The following GFRA1 variants were observed in gnomAD, a reference collection of about 807,000 sequenced individuals.
The protein encoded by GFRA1 is GDNF family receptor alpha-1.
In GFRA1, 16 loss-of-function variants were observed where a neutral mutation model predicts 51.6. That is an observed-to-expected ratio of 0.31 (90% CI 0.21 to 0.47). GFRA1 has a LOEUF of 0.47. GFRA1 is among the 20% of genes least tolerant of loss of function. The pLI, the probability that GFRA1 is intolerant of heterozygous loss-of-function variation, is 1.00. For missense variants in GFRA1, 530 were observed against 594.3 expected (o/e 0.89, Z 1.13); for synonymous variants, 270 against 241.3 (o/e 1.12, Z -1.10).
chr10:116,181,269 T>C (rs969111139), intron 5 of GFRA1, among the ~76,000 whole-genome samples: 1 of 152,286 alleles, frequency 6.6e-6, no homozygotes, highest in Non-Finnish European at 1.5e-5. Flanking sequence ...CAGTCATCTA[T>C]ACAGAATGAG....
chr10:116,218,307 C>T (rs1422574083), intron 4 of GFRA1, among the ~76,000 whole-genome samples: 1 of 152,184 alleles, frequency 6.6e-6, no homozygotes, highest in East Asian at 1.9e-4. Context: ...TCAAGCCACA[C>T]TCCCTGGTAG....
chr10:116,253,750 G>A (rs914697232), intron 4 of GFRA1, among the ~76,000 whole-genome samples: 1 of 152,182 alleles, frequency 6.6e-6, no homozygotes, highest in Middle Eastern at 3.4e-3. Context: ...AAATACAAAG[G>A]GTGCTTAGGC....
At chr10:116,152,377 G>C (rs1959097535) in intron 5 of GFRA1, among the ~76,000 whole-genome samples, 1 of 152,150 alleles carries the variant, frequency 6.6e-6, no homozygotes, top group South Asian at 2.1e-4. Flanking sequence ...CTGTTCTTGT[G>C]TTGCTATAAA....
Position 116,058,733 on chromosome 10 carries a change from T to C in GFRA1, c.*5665A>G, listed in dbSNP as rs1167263241. On this transcript the variant is annotated 3_prime_UTR_variant, in exon 11 of 11. Coordinates refer to ENST00000355422, the MANE Select transcript of GFRA1 (RefSeq NM_005264.8). ...TCTCAAGTTCAGCTCCAAATGCTGG[T>C]TTATTCCGTCAGAGTACTCACTCAG... is the stretch of plus-strand genomic sequence containing the variant. 1 of 152,216 alleles carries C rather than the reference T, an allele frequency of 6.6e-6. No individual in the cohort carries two copies. Among genetic ancestry groups the C allele is most frequent in the African/African-American group, 2.4e-5 (1 of 41,446 alleles). 9.4% of individuals were successfully genotyped at this position (152,216 alleles called of 1,614,324 possible).
At chr10:116,130,219 A>C (rs984309895) in intron 5 of GFRA1, among the ~76,000 whole-genome samples, 1 of 151,986 alleles carries the variant, frequency 6.6e-6, no homozygotes, top group Non-Finnish European at 1.5e-5. Flanking sequence ...CAAAATACTC[A>C]ATACTTTATG....
At chr10:116,166,993 G>A (rs1960519293) in intron 5 of GFRA1, among the ~76,000 whole-genome samples, 1 of 151,512 alleles carries the variant, frequency 6.6e-6, no homozygotes, top group African/African-American at 2.4e-5. Flanking sequence ...TAGAGATGGG[G>A]TTTCATCGTG....
rs376255118 is a variant in GFRA1 at position 116,058,122 on chromosome 10, CCA to C, written c.*6274_*6275del. ...GTCCAGGGTACCTTCACCTGCACTGCCACAGTCACCCGGTCTCGCCCCAGGTA... is the reference window on the plus strand; with the variant it reads ...GTCCAGGGTACCTTCACCTGCACTGCCAGTCACCCGGTCTCGCCCCAGGTA... On this transcript the variant is annotated 3_prime_UTR_variant, in exon 11 of 11. Coordinates refer to ENST00000355422, the MANE Select transcript of GFRA1 (RefSeq NM_005264.8). The C allele has an allele frequency of 2.8e-4, 43 of 151,538 alleles. No homozygotes were observed. The highest frequency in any genetic ancestry group is 9.9e-4 in the African/African-American group (41 of 41,380). 9.4% of individuals were successfully genotyped at this position (151,538 alleles called of 1,614,324 possible).
intron 5 of GFRA1, among the ~76,000 whole-genome samples, chr10:116,195,275 G>T (rs1028230784): frequency 6.6e-6 from 1 of 152,126 alleles, no homozygotes; most frequent in Non-Finnish European, 1.5e-5. Flanking sequence ...TTCACAGCCA[G>T]ACTGAGACAC....
At chr10:116,222,356 A>G (rs554747095) in intron 4 of GFRA1, among the ~76,000 whole-genome samples, 3 of 152,082 alleles carry the variant, frequency 2.0e-5, no homozygotes, top group Admixed American at 2.0e-4. Flanking sequence ...CCGCCACCAC[A>G]CCTGGCTAAT....
At chr10:116,142,117 G>A (rs1259761742) in intron 5 of GFRA1, among the ~76,000 whole-genome samples, 1 of 107,430 alleles carries the variant, frequency 9.3e-6, no homozygotes, top group Non-Finnish European at 2.3e-5. Flanking sequence ...AATGGACGTG[G>A]ACCAAGCAGT....
At chr10:116,089,166 A>G (rs555870798) in intron 9 of GFRA1, among the ~76,000 whole-genome samples, 2 of 152,270 alleles carry the variant, frequency 1.3e-5, no homozygotes, top group Admixed American at 6.5e-5. Flanking sequence ...CTGTATCCAC[A>G]TGCGGGGGTT....
chr10:116,103,062 T>G (rs2694785), intron 6 of GFRA1, among the ~76,000 whole-genome samples: 30,490 of 152,118 alleles, frequency 0.2, 3,112 homozygotes, highest in African/African-American at 0.24. Flanking sequence ...CACAATCTTG[T>G]GTCTAATCCC....
rs1406878977 is a variant in GFRA1 at position 116,125,451 on chromosome 10, G to A, written c.540C>T (p.Thr180=). Reference sequence around the variant, plus strand: ...GGTTGCAGACATCGTTGGACACGCTGGTGGTGCACGGGGTGATGTACGCCG... The same window carrying A: ...GGTTGCAGACATCGTTGGACACGCTAGTGGTGCACGGGGTGATGTACGCCG... ...YRSAYITPCT[T]SVSNDVCNRR... is the part of the protein sequence containing the mutation. The change falls in exon 6 of 11, where the codon ACC becomes ACT. Residue 180 remains threonine (T), a synonymous_variant. Transcript: ENST00000355422. 3 of 1,613,990 alleles carry A rather than the reference G, an allele frequency of 1.9e-6. No individual in the cohort carries two copies. Among genetic ancestry groups the A allele is most frequent in the Non-Finnish European group, 2.5e-6 (3 of 1,179,964 alleles).
chr10:116,265,519 C>A (rs2134787984), intron 4 of GFRA1, among the ~76,000 whole-genome samples: 1 of 152,322 alleles, frequency 6.6e-6, no homozygotes, highest in South Asian at 2.1e-4. Flanking sequence ...GCTTTGCTCT[C>A]CCACTCCAAG....
chr10:116,180,388 A>C (rs1293001057), intron 5 of GFRA1, among the ~76,000 whole-genome samples: 1 of 152,208 alleles, frequency 6.6e-6, no homozygotes, highest in South Asian at 2.1e-4. Context: ...CCTGACACAT[A>C]TTCCAAGAAA....
rs560320642 is a variant in GFRA1 at position 116,232,677 on chromosome 10, T to C, written c.419-21032A>G. On this transcript the variant is annotated intron_variant, in intron 4 of 10. Transcript: ENST00000355422. The stretch of plus-strand genomic sequence containing the variant: ...TTTTACAGCTTGTTCTGAAGTTTTC[T>C]GAAGTAGAACATATTTTAATCATTA... Among the ~76,000 whole-genome samples the C allele has an allele frequency of 5.3e-5, 8 of 152,336 alleles. 1 individual carries two copies. In the South Asian group the frequency reaches 1.4e-3, roughly 28 times the overall value.
At chr10:116,146,379 A>G (rs1215406337) in intron 5 of GFRA1, among the ~76,000 whole-genome samples, 2 of 152,264 alleles carry the variant, frequency 1.3e-5, no homozygotes, top group African/African-American at 4.8e-5. Context: ...AGTAATTGTC[A>G]ATGAGACTAG....
chr10:116,153,753 T>A (rs1401641008), intron 5 of GFRA1, among the ~76,000 whole-genome samples: 1 of 152,282 alleles, frequency 6.6e-6, no homozygotes, highest in South Asian at 2.1e-4. Flanking sequence ...TTGGACTGCA[T>A]TAAGTAAACT....
At chr10:116,098,636 T>C (rs1956700888) in intron 6 of GFRA1, among the ~76,000 whole-genome samples, 1 of 152,178 alleles carries the variant, frequency 6.6e-6, no homozygotes, top group African/African-American at 2.4e-5. Context: ...GGCAGCCCAA[T>C]GCTCCCGGCC....
Sources: gnomAD v4.1 joint callset for allele counts (sites outside exome capture counted in the v4.1 genomes callset) on GRCh38, gnomAD v4.1.1 for gene constraint, MANE v1.5 for transcripts, NCBI Gene and HGNC (gene_info 2026-07-23, HGNC 2026-07-21) for gene names.